The following IGFBP4 variants were observed in gnomAD, a reference collection of about 807,000 sequenced individuals.
IGFBP4 encodes insulin-like growth factor-binding protein 4.
A neutral mutation model predicts 25.8 loss-of-function variants in IGFBP4; 9 were observed. The ratio of observed to expected loss-of-function variants is 0.35; its 90% confidence interval spans 0.21 to 0.61. The LOEUF is 0.61. Among genes scored for constraint, IGFBP4 ranks in the 20% least tolerant of loss-of-function variants. The pLI, the probability that IGFBP4 is intolerant of heterozygous loss-of-function variation, is 0.77. For missense variants in IGFBP4, 315 were observed against 365.3 expected (o/e 0.86, Z 1.12); for synonymous variants, 153 against 153.9 (o/e 0.99, Z 0.05).
At chr17:40,445,051 T>TA (rs962102028) in intron 1 of IGFBP4, among the ~76,000 whole-genome samples, 1 of 152,058 alleles carries the variant, frequency 6.6e-6, no homozygotes, top group Non-Finnish European at 1.5e-5. Flanking sequence ...AGTTTCTCCT[T>TA]AGACTCTCAG....
At chr17:40,450,180 T>A (rs1355744465) in intron 1 of IGFBP4, among the ~76,000 whole-genome samples, 1 of 152,068 alleles carries the variant, frequency 6.6e-6, no homozygotes, top group Non-Finnish European at 1.5e-5. Context: ...GCTAATTTTT[T>A]GTAGAGATAG....
intron 3 of IGFBP4, among the ~76,000 whole-genome samples, chr17:40,454,873 T>C (rs1223707907): frequency 6.6e-6 from 1 of 152,176 alleles, no homozygotes; most frequent in Non-Finnish European, 1.5e-5. Flanking sequence ...CCCATTTCCC[T>C]GCTCCATGAG....
chr17:40,453,179 GACACAC>G lies in IGFBP4; in HGVS notation c.507+47_507+52del. The G allele has an allele frequency of 1.1e-6, 1 of 928,698 alleles. No individual in the cohort carries two copies. The highest frequency in any genetic ancestry group is 1.5e-6 in the Non-Finnish European group (1 of 680,948). The allele number at this position is 928,698 out of a possible 1,614,324, so 57.5% of individuals were successfully genotyped here. On this transcript the variant is annotated intron_variant, in intron 2 of 3. Transcript: ENST00000269593. This position sits in a 1 kb window ranked among gnomAD's most constrained non-coding sequence, Gnocchi z 4.0. ...CGATGCACAAATGTGCATGTGCATAGACACACACACACACATGCCCCCTGCCCCCCA... is the reference window on the plus strand; with the variant it reads ...CGATGCACAAATGTGCATGTGCATAGACACACACATGCCCCCTGCCCCCCA...
chr17:40,444,930 GAC>G (rs1240175229), intron 1 of IGFBP4, among the ~76,000 whole-genome samples: 166 of 36,548 alleles, frequency 4.5e-3, no homozygotes, highest in Middle Eastern at 0.014. Context: ...CACACACAGA[GAC>G]AGAGAGAGAG....
rs1244674901 is a variant in IGFBP4, at chr17:40,456,714, C to T, written c.*131C>T. ...GCGGCCCAGAAGTTTCCCTCAAATG[C>T]GCGTGTGCACGTGTGCGTGTGCGTG... On this transcript the variant is annotated 3_prime_UTR_variant, in exon 4 of 4. Coordinates refer to ENST00000269593, the MANE Select transcript of IGFBP4 (RefSeq NM_001552.3). The T allele has an allele frequency of 1.6e-5, 14 of 852,476 alleles. No individual in the cohort carries two copies. The highest frequency in any genetic ancestry group is 2.7e-5 in the East Asian group (1 of 37,732). 52.8% of individuals were successfully genotyped at this position (852,476 alleles called of 1,614,324 possible).
chr17:40,454,631 G>T (rs1351178413), intron 3 of IGFBP4, among the ~76,000 whole-genome samples: 2 of 152,202 alleles, frequency 1.3e-5, no homozygotes, highest in Admixed American at 6.5e-5. Flanking sequence ...AGGAAGGAGT[G>T]GGGCAGGAGA....
intron 3 of IGFBP4, 95 bp downstream of exon 3, chr17:40,454,157 G>C: frequency 1.3e-6 from 2 of 1,484,596 alleles, no homozygotes; most frequent in Non-Finnish European, 1.8e-6. Flanking sequence ...ATCTCAGGAA[G>C]GGGAAACTCC....
In IGFBP4 at chr17:40,453,482, T is replaced by C. The variant is rs2035697661; in HGVS notation, c.507+340T>C. Reference sequence around the variant, plus strand: ...CTGGGGTTTCTTGGCCTTTTTTGGATTCCCCACCCCAGACCTTCTCAGTAA... The same window carrying C: ...CTGGGGTTTCTTGGCCTTTTTTGGACTCCCCACCCCAGACCTTCTCAGTAA... On this transcript the variant is annotated intron_variant, in intron 2 of 3. Transcript: ENST00000269593. This position sits in a 1 kb window ranked among gnomAD's most constrained non-coding sequence, Gnocchi z 4.0. Among the ~76,000 whole-genome samples, 1 of 152,114 alleles carries C rather than the reference T, an allele frequency of 6.6e-6. No individual in the cohort carries two copies. Among genetic ancestry groups the C allele is most frequent in the East Asian group, 1.9e-4 (1 of 5,180 alleles).
rs1018151505 is a variant in IGFBP4, at chr17:40,453,351, G to A, written c.507+209G>A. Among the ~76,000 whole-genome samples, 1 of 152,164 alleles carries A rather than the reference G, an allele frequency of 6.6e-6. No individual in the cohort carries two copies. The highest frequency in any genetic ancestry group is 2.4e-5 in the African/African-American group (1 of 41,416). On this transcript the variant is annotated intron_variant, in intron 2 of 3. Coordinates refer to ENST00000269593, the MANE Select transcript of IGFBP4 (RefSeq NM_001552.3). This position sits in a 1 kb window ranked among gnomAD's most constrained non-coding sequence, Gnocchi z 4.0. ...AGAAAGCACTCATTCCCTTCCTTGG[G>A]ATTCCTTTCCTGCCCATCAGTTATA...
chr17:40,444,932 C>G lies in IGFBP4; in HGVS notation c.349+848C>G, dbSNP rs11870692. ...ACACACACACACACACACACAGAGACAGAGAGAGAGAGAGAGAGAGAGAGA... is the reference window on the plus strand; with the variant it reads ...ACACACACACACACACACACAGAGAGAGAGAGAGAGAGAGAGAGAGAGAGA... On this transcript the variant is annotated intron_variant, in intron 1 of 3. Transcript: ENST00000269593. Among the ~76,000 whole-genome samples, 435 of 75,194 alleles carry G rather than the reference C, an allele frequency of 5.8e-3. 4 individuals are homozygous for G. The highest frequency in any genetic ancestry group is 8.8e-3 in the African/African-American group (183 of 20,900). The allele number at this position is 75,194 out of a possible 152,430, so 49.3% of individuals were successfully genotyped here.
Position 40,446,918 on chromosome 17 carries a change from C to G in IGFBP4, c.349+2834C>G, listed in dbSNP as rs186853085. Among the ~76,000 whole-genome samples the G allele has an allele frequency of 2.6e-5, 4 of 152,352 alleles. No homozygotes were observed. In the East Asian group the frequency reaches 5.8e-4, roughly 22 times the overall value. On this transcript the variant is annotated intron_variant, in intron 1 of 3. Coordinates refer to ENST00000269593, the MANE Select transcript of IGFBP4 (RefSeq NM_001552.3). ...CATGTAAAAGGCACTCTCTAGAGTT[C>G]TGCTGCAGCCCTGCAGGGTCTGTGG...
chr17:40,456,880 G>C lies in IGFBP4; in HGVS notation c.*297G>C. The C allele has an allele frequency of 2.6e-6, 1 of 386,642 alleles. No individual in the cohort carries two copies. The highest frequency in any genetic ancestry group is 4.6e-6 in the Non-Finnish European group (1 of 216,252). The allele number at this position is 386,642 out of a possible 1,614,324, so 24.0% of individuals were successfully genotyped here. ...CTGAGCCCTGGTGTGTTTCCAGATCGATCCTGGATTCACTCACTCACTCAT... is the reference window on the plus strand; with the variant it reads ...CTGAGCCCTGGTGTGTTTCCAGATCCATCCTGGATTCACTCACTCACTCAT... On this transcript the variant is annotated 3_prime_UTR_variant, in exon 4 of 4. Coordinates refer to ENST00000269593, the MANE Select transcript of IGFBP4 (RefSeq NM_001552.3).
chr17:40,443,956 G>T lies in IGFBP4; in HGVS notation c.221G>T (p.Cys74Phe). 1 of 1,531,344 alleles carries T rather than the reference G, an allele frequency of 6.5e-7. No individual in the cohort carries two copies. The allele number at this position is 1,531,344 out of a possible 1,614,324, so 94.9% of individuals were successfully genotyped here. A position where few individuals can be genotyped will look rare whatever the true frequency, so the allele number is the denominator to read the frequency against. The change falls in exon 1 of 4, where the codon TGC becomes TTC. Residue 74 changes from cysteine (C) to phenylalanine (F), a missense_variant. Coordinates refer to ENST00000269593, the MANE Select transcript of IGFBP4 (RefSeq NM_001552.3). ...CCCTGCGGGGTGTACACCCCCCGTT[G>T]CGGCTCGGGCCTGCGCTGCTACCCG... ...GMPCGVYTPR[C>F]GSGLRCYPPR...
intron 1 of IGFBP4, among the ~76,000 whole-genome samples, chr17:40,447,593 C>T (rs528801201): frequency 3.9e-5 from 6 of 152,242 alleles, no homozygotes; most frequent in African/African-American, 9.6e-5. Context: ...GGAGCATGGC[C>T]GCTTCCCATT....
chr17:40,443,818 C>A lies in IGFBP4; in HGVS notation c.83C>A (p.Pro28Gln), dbSNP rs1335699211. ...CTGGGCGACGAAGCCATCCACTGCC[C>A]GCCCTGCTCCGAGGAGAAGCTGGCG... Reference protein sequence around the residue: ...PSLGDEAIHCPPCSEEKLARC... With the variant: ...PSLGDEAIHCQPCSEEKLARC... Residue 28 changes from proline (P) to glutamine (Q), a missense_variant, in exon 1 of 4, where the codon CCG becomes CAG. Physicochemically the swap from Pro to Gln is moderately conservative, Grantham distance 76. Coordinates refer to ENST00000269593, the MANE Select transcript of IGFBP4 (RefSeq NM_001552.3). The A allele has an allele frequency of 6.5e-7, 1 of 1,531,186 alleles. No individual in the cohort carries two copies. The highest frequency in any genetic ancestry group is 8.7e-7 in the Non-Finnish European group (1 of 1,146,366). The allele number at this position is 1,531,186 out of a possible 1,614,324, so 94.8% of individuals were successfully genotyped here.
chr17:40,448,147 C>G (rs1388571662), intron 1 of IGFBP4, among the ~76,000 whole-genome samples: 1 of 152,208 alleles, frequency 6.6e-6, no homozygotes, highest in Admixed American at 6.5e-5. Context: ...GTGGGTGACC[C>G]TCTGGATCAC....
intron 1 of IGFBP4, among the ~76,000 whole-genome samples, chr17:40,444,985 A>AGAGG (rs2035636462): frequency 7.7e-6 from 1 of 129,372 alleles, no homozygotes; most frequent in Non-Finnish European, 1.6e-5. Flanking sequence ...AGAGAGAGAG[A>AGAGG]CTCTGAGAAG....
rs1241646529 is a variant in IGFBP4, at chr17:40,443,632, G to A, written c.-104G>A. Reference sequence around the variant, plus strand: ...GCGCCCTCCGGGTCGGGTCCTCCAGGAGCGCCAGGCGCTGCCGCCGTGTGC... The same window carrying A: ...GCGCCCTCCGGGTCGGGTCCTCCAGAAGCGCCAGGCGCTGCCGCCGTGTGC... On this transcript the variant is annotated 5_prime_UTR_variant, in exon 1 of 4. Transcript: ENST00000269593. 1.7e-5 allele frequency: 8 copies of A among 459,966 alleles called. No individual in the cohort carries two copies. Among genetic ancestry groups the A allele is most frequent in the Non-Finnish European group, 2.3e-5 (8 of 341,582 alleles). The allele number at this position is 459,966 out of a possible 1,614,324, so 28.5% of individuals were successfully genotyped here. A position where few individuals can be genotyped will look rare whatever the true frequency, so the allele number is the denominator to read the frequency against.
Position 40,452,969 on chromosome 17 carries a change from C to A in IGFBP4, c.350-16C>A. The A allele has an allele frequency of 6.7e-7, 1 of 1,493,304 alleles. No individual in the cohort carries two copies. The highest frequency in any genetic ancestry group is 9.0e-7 in the Non-Finnish European group (1 of 1,112,116). 92.5% of individuals were successfully genotyped at this position (1,493,304 alleles called of 1,614,324 possible). A position where few individuals can be genotyped will look rare whatever the true frequency, so the allele number is the denominator to read the frequency against. On this transcript the variant is annotated splice_polypyrimidine_tract_variant and intron_variant, in intron 1 of 3. Transcript: ENST00000269593. ...TCTTCCGGTGCTGACCTCTCCTTATCGCTACCTGAATACAGACAAGGACGA... is the reference window on the plus strand; with the variant it reads ...TCTTCCGGTGCTGACCTCTCCTTATAGCTACCTGAATACAGACAAGGACGA...
Sources: gnomAD v4.1 joint callset for allele counts (sites outside exome capture counted in the v4.1 genomes callset) on GRCh38, gnomAD v4.1.1 for gene constraint, Gnocchi (gnomAD v3.1) non-coding constraint, MANE v1.5 for transcripts, NCBI Gene and HGNC (gene_info 2026-07-23, HGNC 2026-07-21) for gene names.